The following MICAL2 variants were observed in gnomAD, a reference collection of about 807,000 sequenced individuals.
MICAL2 encodes the protein microtubule associated monooxygenase, calponin and LIM domain containing 2.
MICAL2 carries 77 observed loss-of-function variants against 127.3 expected under a neutral mutation model. The observed-to-expected ratio is 0.60, with a 90% CI of 0.50 to 0.73. MICAL2 has a LOEUF of 0.73. MICAL2 is among the 30% of genes least tolerant of loss of function. The pLI, the probability that MICAL2 is intolerant of heterozygous loss-of-function variation, is 0.00. For synonymous variants in MICAL2, 570 were observed against 551.1 expected (o/e 1.03, Z -0.48); for missense variants, 1,351 against 1,434.4 (o/e 0.94, Z 0.94).
Position 12,210,348 on chromosome 11 carries a change from G to C in MICAL2, c.691+750G>C, listed in dbSNP as rs141481854. Among the ~76,000 whole-genome samples, 285 of 152,242 alleles carry C rather than the reference G, an allele frequency of 1.9e-3. 2 individuals carry two copies. The highest frequency in any genetic ancestry group is 3.0e-3 in the Admixed American group (46 of 15,294). ...TGAGACCATGGGTTATAAACAACAT[G>C]GCCCCAAATAGGGCAGTTCTGCTTT... is the stretch of plus-strand genomic sequence containing the variant. On this transcript the variant is annotated intron_variant, in intron 6 of 27. Transcript: ENST00000683283.
At position 12,239,576 on chromosome 11, in the gene MICAL2, C is replaced by T; in HGVS notation, c.2205C>T (p.Leu735=). The T allele has an allele frequency of 3.1e-6, 5 of 1,614,094 alleles. No individual in the cohort carries two copies. The highest frequency in any genetic ancestry group is 2.2e-5 in the East Asian group (1 of 44,888). The stretch of plus-strand genomic sequence containing the variant: ...AGGAGAGCACTCGGAACCCCTCACT[C>T]ATGAAGCAGGTGAGTCATGTCAAAT... ...KFEESTRNPS[L]MKQERRVSGI... The change falls in exon 17 of 28, where the codon CTC becomes CTT. Residue 735 remains leucine, a synonymous_variant. Coordinates refer to ENST00000683283, the MANE Select transcript of MICAL2 (RefSeq NM_001282663.2).
intron 15 of MICAL2, among the ~76,000 whole-genome samples, chr11:12,227,531 C>T (rs1008056243): frequency 5.9e-5 from 9 of 152,204 alleles, no homozygotes; most frequent in Non-Finnish European, 1.3e-4. Flanking sequence ...TCTGTTTACA[C>T]ATCTGTTCCA....
chr11:12,300,712 A>G (rs1442447831), intron 29 of MICAL2, among the ~76,000 whole-genome samples: 6 of 152,168 alleles, frequency 3.9e-5, no homozygotes, highest in African/African-American at 1.4e-4. Flanking sequence ...ACCCTGAGCT[A>G]TAGATGAGAC....
chr11:12,180,204 G>A (rs546958427), intron 3 of MICAL2, among the ~76,000 whole-genome samples: 86 of 152,206 alleles, frequency 5.7e-4, no homozygotes, highest in Non-Finnish European at 1.0e-3. Context: ...GTGGTGGGTT[G>A]CCATCTCCTT....
intron 2 of MICAL2, among the ~76,000 whole-genome samples, chr11:12,144,737 C>T (rs1852719670): frequency 6.6e-6 from 1 of 152,214 alleles, no homozygotes; most frequent in Non-Finnish European, 1.5e-5. Context: ...CAATAACCTC[C>T]TCCAGTCAGT....
At chr11:12,358,577 C>A, downstream of MICAL2, 1 of 1,115,270 alleles carries the variant, frequency 9.0e-7, no homozygotes, top group South Asian at 1.6e-5. Flanking sequence ...TTTATCATCC[C>A]TGGAACTTGT....
chr11:12,215,477 C>A (rs1489411013), intron 7 of MICAL2, among the ~76,000 whole-genome samples: 1 of 152,224 alleles, frequency 6.6e-6, no homozygotes, highest in Non-Finnish European at 1.5e-5. Flanking sequence ...CTTGTTAAAG[C>A]ACAGCGTGCT....
intron 31 of MICAL2, among the ~76,000 whole-genome samples, chr11:12,325,484 G>A (rs952764604): frequency 2.6e-5 from 4 of 152,138 alleles, no homozygotes; most frequent in African/African-American, 9.7e-5. Flanking sequence ...CGGACCGGAT[G>A]GCTTAAACAA....
Position 12,128,408 on chromosome 11 carries a change from C to A in MICAL2, c.-148-9982C>A, listed in dbSNP as rs371611937. Among the ~76,000 whole-genome samples, 4 of 152,356 alleles carry A rather than the reference C, an allele frequency of 2.6e-5. No homozygotes were observed. The East Asian group carries it at 5.8e-4, about 22-fold the overall frequency. On this transcript the variant is annotated intron_variant, in intron 1 of 27. Coordinates refer to ENST00000683283, the MANE Select transcript of MICAL2 (RefSeq NM_001282663.2). ...TAACCACATCTTACAGATGAGGAAG[C>A]AGAAGCCCTGGACTAAGACTTGACA...
In MICAL2 at chr11:12,242,262, G is replaced by T; in HGVS notation, c.2386G>T (p.Val796Leu). The part of the protein sequence containing the change: ...TGHVLRELKQ[V>L]SAGSECLSRP... ...GCACGTGCTCAGAGAGCTCAAGCAA[G>T]TGTCTGCTGGCAGTGAGTGCCTGAG... Residue 796 changes from valine (V) to leucine (L), a missense_variant, in exon 19 of 28, where the codon GTG (valine) becomes TTG (leucine). This residue lies in a region of MICAL2 where 752 missense variants were observed against 719.4 expected (regional missense o/e 1.05). Transcript: ENST00000683283. 1 of 1,613,698 alleles carries T rather than the reference G, an allele frequency of 6.2e-7. No individual in the cohort carries two copies. The highest frequency in any genetic ancestry group is 1.1e-5 in the South Asian group (1 of 91,060).
At chr11:12,153,888 T>C (rs1045607311) in intron 2 of MICAL2, among the ~76,000 whole-genome samples, 1 of 152,188 alleles carries the variant, frequency 6.6e-6, no homozygotes, top group African/African-American at 2.4e-5. Flanking sequence ...CATGCAGAAG[T>C]GTCTGCAAAG....
At chr11:12,211,155 G>A (rs565443902) in intron 6 of MICAL2, among the ~76,000 whole-genome samples, 37 of 152,142 alleles carry the variant, frequency 2.4e-4, no homozygotes, top group South Asian at 6.2e-4. Flanking sequence ...TGAGGTGGGC[G>A]GATCACCTGA....
intron 9 of MICAL2, among the ~76,000 whole-genome samples, chr11:12,221,193 C>G (rs917307785): frequency 4.1e-4 from 62 of 152,160 alleles, no homozygotes; most frequent in African/African-American, 1.5e-3. Flanking sequence ...TTCTCCCTCC[C>G]CTCCTCCCAT....
intron 2 of MICAL2, among the ~76,000 whole-genome samples, chr11:12,144,581 T>C (rs988188): frequency 0.48 from 72,806 of 152,028 alleles, 18,068 homozygotes; most frequent in South Asian, 0.68. Context: ...GTCTGCGTTG[T>C]TCTCAATGTA....
chr11:12,279,629 A>T (rs1204721463), intron 1 of MICAL2, among the ~76,000 whole-genome samples: 1 of 152,210 alleles, frequency 6.6e-6, no homozygotes, highest in Non-Finnish European at 1.5e-5. Context: ...GGTGGTCCTC[A>T]TTCAGGCAGG....
At chr11:12,205,617 T>C (rs1854578823) in intron 4 of MICAL2, among the ~76,000 whole-genome samples, 1 of 152,202 alleles carries the variant, frequency 6.6e-6, no homozygotes, top group Admixed American at 6.5e-5. Flanking sequence ...GTCCAAAATA[T>C]GTCTCTTCCA....
In MICAL2 at chr11:12,168,879, C is replaced by G. The variant is rs112049576; in HGVS notation, c.264+6460C>G. Among the ~76,000 whole-genome samples, 815 of 140,794 alleles carry G rather than the reference C, an allele frequency of 5.8e-3. 10 individuals are homozygous for G. Among genetic ancestry groups the G allele is most frequent in the African/African-American group, 0.019 (694 of 37,086 alleles). 92.4% of individuals were successfully genotyped at this position (140,794 alleles called of 152,430 possible). ...GGAGGATCGCTTGAGCCCAGGAGGTCAAGGCGGCAGTGAGCTATGATTGCA... is the reference window on the plus strand; with the variant it reads ...GGAGGATCGCTTGAGCCCAGGAGGTGAAGGCGGCAGTGAGCTATGATTGCA... On this transcript the variant is annotated intron_variant, in intron 3 of 27. Transcript: ENST00000683283.
At chr11:12,181,102 C>A (rs894704738) in intron 3 of MICAL2, among the ~76,000 whole-genome samples, 1 of 151,954 alleles carries the variant, frequency 6.6e-6, no homozygotes, top group African/African-American at 2.4e-5. Flanking sequence ...TGCCACCATG[C>A]CTGGATAATT....
chr11:12,136,414 G>C (rs1851840954), intron 1 of MICAL2, among the ~76,000 whole-genome samples: 1 of 152,078 alleles, frequency 6.6e-6, no homozygotes, highest in African/African-American at 2.4e-5. Flanking sequence ...TGTCTTACAG[G>C]GTTGCTGGGA....
Sources: gnomAD v4.1 joint callset for allele counts (sites outside exome capture counted in the v4.1 genomes callset) on GRCh38, gnomAD v4.1.1 for gene constraint, gnomAD v4.1.1 regional missense constraint, MANE v1.5 for transcripts, NCBI Gene and HGNC (gene_info 2026-07-23, HGNC 2026-07-21) for gene names.